The following TOP3B variants were observed in gnomAD, a reference collection of about 807,000 sequenced individuals.
TOP3B encodes the protein DNA topoisomerase 3-beta-1.
In TOP3B, 45 loss-of-function variants were observed where a neutral mutation model predicts 93.9. The observed-to-expected ratio is 0.48, with a 90% CI of 0.38 to 0.61. The LOEUF is 0.61. Ranked by LOEUF, TOP3B falls within the 20% of genes least tolerant of loss-of-function variation. The probability of loss-of-function intolerance (pLI) is 0.00; values close to 1 mark genes in which losing one functional copy is unlikely to be tolerated. For synonymous variants in TOP3B, 357 were observed against 472.6 expected (o/e 0.76, Z 3.17); for missense variants, 750 against 1,156.1 (o/e 0.65, Z 5.09).
chr22:21,962,997 G>T, intron 11 of TOP3B, 104 bp from the exon 12 acceptor site: 1 of 1,399,278 alleles, frequency 7.1e-7, no homozygotes, highest in African/African-American at 1.4e-5. Context: ...TTACAGAGCC[G>T]CTGTGCAGGA....
intron 1 of TOP3B, among the ~76,000 whole-genome samples, chr22:21,981,221 C>A (rs766624640): frequency 2.0e-5 from 3 of 152,234 alleles, no homozygotes; most frequent in Non-Finnish European, 4.4e-5. Context: ...ACCAGGCAGT[C>A]CTGCCAGCAT....
chr22:21,980,877 G>C (rs949104095), intron 1 of TOP3B, among the ~76,000 whole-genome samples: 11 of 152,226 alleles, frequency 7.2e-5, no homozygotes, highest in African/African-American at 2.7e-4. Flanking sequence ...CTGGCACCCA[G>C]CATGCACTAA....
Position 21,970,445 on chromosome 22 carries a change from G to A in TOP3B, c.385-39C>T, listed in dbSNP as rs748250075. 1.3e-5 allele frequency: 20 copies of A among 1,598,044 alleles called. No individual in the cohort carries two copies. The highest frequency in any genetic ancestry group is 2.3e-5 in the East Asian group (1 of 44,200). On this transcript the variant is annotated intron_variant, in intron 5 of 17. Coordinates refer to ENST00000357179, the MANE Select transcript of TOP3B (RefSeq NM_001282112.2). This position sits in a 1 kb window ranked among gnomAD's most constrained non-coding sequence, Gnocchi z 4.4. Reference sequence around the variant, plus strand: ...GTGGCCAGCTGTGACCCACCTCCCAGATCCCTGCCACAGCTCCCCACCCCA... The same window carrying A: ...GTGGCCAGCTGTGACCCACCTCCCAAATCCCTGCCACAGCTCCCCACCCCA...
rs770240711 is a variant in TOP3B, at chr22:21,963,903, G to A, written c.1204+20C>T. 2 of 1,611,586 alleles carry A rather than the reference G, an allele frequency of 1.2e-6. No individual in the cohort carries two copies. Among genetic ancestry groups the A allele is most frequent in the East Asian group, 4.5e-5 (2 of 44,878 alleles). ...CCTTCCCTCCCTGGAAGCACACCGG[G>A]TATGGGATGAGAGCGGTACCTAATT... is the stretch of plus-strand genomic sequence containing the variant. On this transcript the variant is annotated intron_variant, in intron 11 of 17. Coordinates refer to ENST00000357179, the MANE Select transcript of TOP3B (RefSeq NM_001282112.2). This position sits in a 1 kb window ranked among gnomAD's most constrained non-coding sequence, Gnocchi z 4.8.
In TOP3B at chr22:21,960,416, T is replaced by C. The variant is rs1409920905; in HGVS notation, c.1559A>G (p.Asn520Ser). 1.2e-6 allele frequency: 2 copies of C among 1,613,678 alleles called. No individual in the cohort carries two copies. The highest frequency in any genetic ancestry group is 8.5e-7 in the Non-Finnish European group (1 of 1,179,982). ...TDASIPVHIN[N>S]ICQRNYVTVE... ...CGTGACATAGTTGCGCTGGCAGATGTTGTTGATATGCACAGGGATGCTGGC... is the reference window on the plus strand; with the variant it reads ...CGTGACATAGTTGCGCTGGCAGATGCTGTTGATATGCACAGGGATGCTGGC... Residue 520 changes from asparagine to serine, a missense_variant, in exon 14 of 18, where the codon AAC (asparagine) becomes AGC (serine). Physicochemically the swap from Asn to Ser is conservative, Grantham distance 46. This residue lies in a region of TOP3B where 737 missense variants were observed against 933.7 expected (regional missense o/e 0.79). Coordinates refer to ENST00000357179, the MANE Select transcript of TOP3B (RefSeq NM_001282112.2).
intron 3 of TOP3B, chr22:21,973,701 C>T (rs962012797): frequency 6.6e-6 from 1 of 152,210 alleles, no homozygotes; most frequent in Admixed American, 6.5e-5. Context: ...AGAACAAGGG[C>T]TGAGGCTTTG....
chr22:21,971,053 G>A lies in TOP3B; in HGVS notation c.385-647C>T. ...GCAGCTTCCTTACTGGGAATAAGTG[G>A]CTTCATTTCTGAAGGGAGAAAGCCC... On this transcript the variant is annotated intron_variant, in intron 5 of 17. Transcript: ENST00000357179. The surrounding 1 kb of genome is among the most constrained non-coding windows in gnomAD (Gnocchi z 4.6). The A allele has an allele frequency of 7.7e-7, 1 of 1,303,052 alleles. No homozygotes were observed. Among genetic ancestry groups the A allele is most frequent in the Non-Finnish European group, 1.0e-6 (1 of 988,174 alleles). 80.7% of individuals were successfully genotyped at this position (1,303,052 alleles called of 1,614,324 possible).
In TOP3B at chr22:21,970,910, G is replaced by A. The variant is rs541351480; in HGVS notation, c.385-504C>T. 1.2e-3 allele frequency: 1,086 copies of A among 875,682 alleles called. 1 individual carries two copies. The highest frequency in any genetic ancestry group is 2.5e-3 in the Admixed American group (54 of 21,924). The allele number at this position is 875,682 out of a possible 1,614,324, so 54.2% of individuals were successfully genotyped here. A position where few individuals can be genotyped will look rare whatever the true frequency, so the allele number is the denominator to read the frequency against. On this transcript the variant is annotated intron_variant, in intron 5 of 17. Transcript: ENST00000357179. The surrounding 1 kb of genome is among the most constrained non-coding windows in gnomAD (Gnocchi z 4.4). The stretch of plus-strand genomic sequence containing the variant: ...AAATGGGCAAGAGCAGGAAGGCCAC[G>A]GGTGGTCCTAGCTTGTGGTGGGGGC...
intron 16 of TOP3B, chr22:21,958,930 G>A: frequency 9.7e-7 from 1 of 1,028,910 alleles, no homozygotes; most frequent in Non-Finnish European, 1.4e-6. Flanking sequence ...AGGGAAAAAT[G>A]CACCATGTGT....
In TOP3B at chr22:21,964,002, G is replaced by A. The variant is rs2031352548; in HGVS notation, c.1125C>T (p.Ile375=). The part of the protein sequence containing the change: ...DTVKRLLAEG[I]NRPRKGHDAG... ...CGTCATGGCCTTTCCGCGGGCGGTT[G>A]ATACCTTCTGCTAACAACCGCTTCA... The change falls in exon 11 of 18, where the codon ATC becomes ATT. Residue 375 remains isoleucine, a synonymous_variant. Transcript: ENST00000357179. The A allele has an allele frequency of 6.2e-7, 1 of 1,610,864 alleles. No homozygotes were observed. The highest frequency in any genetic ancestry group is 8.5e-7 in the Non-Finnish European group (1 of 1,178,772).
intron 13 of TOP3B, 115 bp downstream of exon 13, chr22:21,962,314 C>CCG (rs1389179934): frequency 6.3e-7 from 1 of 1,597,966 alleles, no homozygotes; most frequent in Non-Finnish European, 8.5e-7. Flanking sequence ...AGATACCAGC[C>CCG]CATGGAGGGG....
chr22:21,967,556 A>G, intron 8 of TOP3B, 47 bp downstream of exon 8: 1 of 1,515,658 alleles, frequency 6.6e-7, no homozygotes. Context: ...TCCAAGGGCC[A>G]CCCTCACCCA....
At chr22:21,958,381 G>C in intron 17 of TOP3B, 111 bp downstream of exon 17, 3 of 1,570,494 alleles carry the variant, frequency 1.9e-6, no homozygotes, top group Non-Finnish European at 2.6e-6. Context: ...AATGAGTGCA[G>C]GAAAGGCCAG....
In TOP3B at chr22:21,970,402, A is replaced by G; in HGVS notation, c.389T>C (p.Leu130Pro). Residue 130 changes from leucine to proline, a missense_variant, in exon 6 of 18, where the codon CTT (leucine) becomes CCT (proline). Physicochemically the swap from Leu to Pro is moderately conservative, Grantham distance 98 (BLOSUM62 -3). Transcript: ENST00000357179. This position sits in a 1 kb window ranked among gnomAD's most constrained non-coding sequence, Gnocchi z 4.4. ...GTTCATGACGGGCAGAACAGCATCAAGAACCTGGGGGTGGGGAGTGGCCAG... is the reference window on the plus strand; with the variant it reads ...GTTCATGACGGGCAGAACAGCATCAGGAACCTGGGGGTGGGGAGTGGCCAG... Reference protein sequence around the residue: ...KEGENICFEVLDAVLPVMNKA... With the variant: ...KEGENICFEVPDAVLPVMNKA... 6.2e-7 allele frequency: 1 copy of G among 1,613,648 alleles called. No individual in the cohort carries two copies. Among genetic ancestry groups the G allele is most frequent in the South Asian group, 1.1e-5 (1 of 91,050 alleles).
chr22:21,959,006 C>T, intron 16 of TOP3B, 126 bp downstream of exon 16: 1 of 1,406,218 alleles, frequency 7.1e-7, no homozygotes, highest in Non-Finnish European at 9.5e-7. Context: ...TTTGGCAAGG[C>T]CTCTTTATGT....
At chr22:21,972,119 A>C (rs893248012) in intron 4 of TOP3B, 168 bp from the exon 5 acceptor site, 1 of 580,274 alleles carries the variant, frequency 1.7e-6, no homozygotes, top group Non-Finnish European at 3.0e-6. Context: ...TGGCTCAGCC[A>C]ACAGAAAAGA....
Position 21,971,997 on chromosome 22 carries a change from TG to T in TOP3B, c.310-47del, listed in dbSNP as rs761066359. On this transcript the variant is annotated intron_variant, in intron 4 of 17. Coordinates refer to ENST00000357179, the MANE Select transcript of TOP3B (RefSeq NM_001282112.2). The surrounding 1 kb of genome is among the most constrained non-coding windows in gnomAD (Gnocchi z 4.6). ...ACACGTACCTGCTGCAGACCCGGTC[TG>T]TGCCACCCGCCCCCAGTGCTCCCAT... 1 of 1,553,988 alleles carries T rather than the reference TG, an allele frequency of 6.4e-7. No individual in the cohort carries two copies. Among genetic ancestry groups the T allele is most frequent in the Admixed American group, 1.7e-5 (1 of 57,292 alleles).
At position 21,964,031 on chromosome 22, in the gene TOP3B, G is replaced by A; in HGVS notation, c.1099-3C>T. 6.2e-7 allele frequency: 1 copy of A among 1,605,968 alleles called. No individual in the cohort carries two copies. Among genetic ancestry groups the A allele is most frequent in the Non-Finnish European group, 8.5e-7 (1 of 1,175,874 alleles). On this transcript the variant is annotated splice_region_variant and splice_polypyrimidine_tract_variant and intron_variant, in intron 10 of 17. Transcript: ENST00000357179. Reference sequence around the variant, plus strand: ...CCTTCTGCTAACAACCGCTTCACCTGAGGGAGAGAAGACAGAGCAGAGTCT... The same window carrying A: ...CCTTCTGCTAACAACCGCTTCACCTAAGGGAGAGAAGACAGAGCAGAGTCT...
intron 7 of TOP3B, chr22:21,968,253 G>A (rs921581120): frequency 2.5e-5 from 6 of 241,786 alleles, no homozygotes; most frequent in East Asian, 9.2e-5. Flanking sequence ...GTGAGCTTCT[G>A]TGGAGGCTTT....
Sources: allele counts gnomAD v4.1 joint callset (sites outside exome capture counted in the v4.1 genomes callset), GRCh38; gene constraint gnomAD v4.1.1; regional missense constraint gnomAD v4.1.1; non-coding constraint Gnocchi (gnomAD v3.1); transcripts MANE v1.5; gene names NCBI Gene and HGNC (gene_info 2026-07-23, HGNC 2026-07-21).